HS1BP3: variants seen among roughly 807,000 people sequenced by gnomAD.
HS1BP3 encodes HCLS1-binding protein 3.
In HS1BP3, 32 loss-of-function variants were observed where a neutral mutation model predicts 33.5. The ratio of observed to expected loss-of-function variants is 0.95; its 90% CI spans 0.72 to 1.28. The LOEUF is 1.28. HS1BP3 is among the 50% of genes most tolerant of loss of function. HS1BP3 has a pLI of 0.00. For missense variants in HS1BP3, 486 were observed against 502.3 expected, an observed-to-expected ratio of 0.97 and a Z score of 0.31; for synonymous variants, 187 against 209.2, an observed-to-expected ratio of 0.89 and a Z score of 0.92.
intron 2 of HS1BP3, among the ~76,000 whole-genome samples, chr2:20,598,554 T>C (rs1693997637): frequency 9.0e-6 from 1 of 111,350 alleles, no homozygotes; most frequent in African/African-American, 3.6e-5. Context: ...TTTTTTTTTT[T>C]TTTTTTTTTT....
At chr2:20,580,821 A>C (rs1693515779) in intron 5 of HS1BP3, among the ~76,000 whole-genome samples, 1 of 152,252 alleles carries the variant, frequency 6.6e-6, no homozygotes. Flanking sequence ...ACACCCAGGC[A>C]GACAAGTGAT....
chr2:20,640,438 C>T (rs1411591956), intron 3 of HS1BP3: 5 of 240,998 alleles, frequency 2.1e-5, no homozygotes, highest in Admixed American at 5.2e-5. Context: ...AAGGGCTTGA[C>T]GTCTCCACCA....
intron 4 of HS1BP3, among the ~76,000 whole-genome samples, chr2:20,626,033 G>A (rs937810475): frequency 2.6e-5 from 4 of 151,262 alleles, no homozygotes; most frequent in East Asian, 3.9e-4. Context: ...TCCGCCTGGC[G>A]GGCAGTTCCA....
intron 5 of HS1BP3, among the ~76,000 whole-genome samples, chr2:20,574,758 T>G (rs1693359690): frequency 6.6e-6 from 1 of 152,072 alleles, no homozygotes; most frequent in Non-Finnish European, 1.5e-5. Flanking sequence ...CTCACAGGGG[T>G]CTGCTTCCTT....
intron 2 of HS1BP3, among the ~76,000 whole-genome samples, chr2:20,610,132 C>G (rs1019384897): frequency 6.6e-6 from 1 of 152,166 alleles, no homozygotes; most frequent in African/African-American, 2.4e-5. Context: ...CTCCTGCCCC[C>G]ACACATGCAC....
At chr2:20,646,153 G>C (rs1695514173) in intron 1 of HS1BP3, among the ~76,000 whole-genome samples, 1 of 152,238 alleles carries the variant, frequency 6.6e-6, no homozygotes. Flanking sequence ...GATGAGCAAA[G>C]AAGTGATGAG....
chr2:20,599,189 T>C (rs1325264004), intron 2 of HS1BP3, among the ~76,000 whole-genome samples: 1 of 152,238 alleles, frequency 6.6e-6, no homozygotes, highest in Non-Finnish European at 1.5e-5. Flanking sequence ...CTGTTGGGAT[T>C]CTGGAACAGG....
intron 2 of HS1BP3, among the ~76,000 whole-genome samples, chr2:20,609,184 C>T (rs943813544): frequency 5.9e-5 from 9 of 152,174 alleles, no homozygotes; most frequent in Admixed American, 2.6e-4. Flanking sequence ...GGGCAGAGGC[C>T]GCCAGGCGCT....
Position 20,618,666 on chromosome 2 carries a change from A to C in HS1BP3, c.*321T>G. ...ATGTGACACCTCGCTACGGCCCCAC[A>C]TGTCTTGCTTCATCCTTGGGGCTGG... On this transcript the variant is annotated 3_prime_UTR_variant, in exon 7 of 7. Transcript: ENST00000304031. 2 of 1,172,494 alleles carry C rather than the reference A, an allele frequency of 1.7e-6. No homozygotes were observed. Among genetic ancestry groups the C allele is most frequent in the South Asian group, 3.0e-5 (1 of 33,222 alleles). The allele number at this position is 1,172,494 out of a possible 1,614,324, so 72.6% of individuals were successfully genotyped here.
At chr2:20,600,449 C>A (rs1270230394) in intron 2 of HS1BP3, among the ~76,000 whole-genome samples, 3 of 152,190 alleles carry the variant, frequency 2.0e-5, no homozygotes, top group African/African-American at 4.8e-5. Context: ...GAGAACCCAG[C>A]AAACCAAAGA....
At chr2:20,555,476 C>G (rs1692814206), downstream of HS1BP3, among the ~76,000 whole-genome samples, 1 of 152,184 alleles carries the variant, frequency 6.6e-6, no homozygotes, top group Non-Finnish European at 1.5e-5. Flanking sequence ...GTCACACATG[C>G]ATGAAGCCAG....
intron 4 of HS1BP3, among the ~76,000 whole-genome samples, chr2:20,632,251 C>T (rs1572351473): frequency 6.6e-6 from 1 of 152,256 alleles, no homozygotes; most frequent in Non-Finnish European, 1.5e-5. Flanking sequence ...CGACACCTCC[C>T]TGGTCGCAGT....
chr2:20,580,184 C>A (rs1049037958), intron 5 of HS1BP3, among the ~76,000 whole-genome samples: 1 of 152,240 alleles, frequency 6.6e-6, no homozygotes, highest in African/African-American at 2.4e-5. Flanking sequence ...AGGCTGAGGG[C>A]CTGCCCCTGG....
At chr2:20,600,748 T>C (rs939076729) in intron 2 of HS1BP3, among the ~76,000 whole-genome samples, 3 of 152,356 alleles carry the variant, frequency 2.0e-5, no homozygotes, top group East Asian at 1.9e-4. Flanking sequence ...AAAAATCTTT[T>C]AAAATGTGAG....
intron 2 of HS1BP3, among the ~76,000 whole-genome samples, chr2:20,605,904 G>A (rs958261215): frequency 2.0e-5 from 3 of 152,184 alleles, no homozygotes; most frequent in Non-Finnish European, 2.9e-5. Flanking sequence ...AGTGCCACTA[G>A]GAACATTCTT....
chr2:20,559,704 GTGGGTGGA>G (rs1183432813), downstream of HS1BP3, among the ~76,000 whole-genome samples: 29 of 126,560 alleles, frequency 2.3e-4, no homozygotes, highest in African/African-American at 7.9e-4. Context: ...GGACGGGTGG[GTGGGTGGA>G]TGGATGGATG....
intron 6 of HS1BP3, among the ~76,000 whole-genome samples, chr2:20,620,464 G>A (rs1694561726): frequency 1.3e-5 from 2 of 152,228 alleles, no homozygotes; most frequent in African/African-American, 2.4e-5. Context: ...GGAATCAGGT[G>A]AGTGAAGGCA....
chr2:20,579,402 G>A (rs1054244405), intron 5 of HS1BP3, among the ~76,000 whole-genome samples: 3 of 152,256 alleles, frequency 2.0e-5, no homozygotes, highest in African/African-American at 7.2e-5. Context: ...AGCCTGATGA[G>A]ATCATCTGCC....
At chr2:20,597,000 G>T (rs1402671608) in intron 3 of HS1BP3, among the ~76,000 whole-genome samples, 3 of 152,198 alleles carry the variant, frequency 2.0e-5, no homozygotes, top group African/African-American at 7.2e-5. Flanking sequence ...TCCCATTAAG[G>T]CCACATAAAA....
Sources: allele counts gnomAD v4.1 joint callset (sites outside exome capture counted in the v4.1 genomes callset), GRCh38; gene constraint gnomAD v4.1.1; transcripts MANE v1.5; gene names NCBI Gene and HGNC (gene_info 2026-07-23, HGNC 2026-07-21).